The following INTS8 variants were observed in gnomAD, a reference collection of about 807,000 sequenced individuals.
INTS8 encodes integrator complex subunit 8.
A neutral mutation model predicts 138.9 loss-of-function variants in INTS8; 47 were observed. The observed-to-expected ratio is 0.34, with a 90% CI of 0.27 to 0.43. INTS8 has a LOEUF of 0.43. Ranked by LOEUF, INTS8 falls within the 20% of genes least tolerant of loss-of-function variation. The pLI is 1.00. For synonymous variants in INTS8, 392 were observed against 400.9 expected (o/e 0.98, Z 0.27); for missense variants, 996 against 1,173.0 (o/e 0.85, Z 2.20).
intron 14 of INTS8, 65 bp from the exon 15 acceptor site, chr8:94,856,712 A>T: frequency 7.4e-7 from 1 of 1,347,326 alleles, no homozygotes; most frequent in Non-Finnish European, 1.1e-6. Flanking sequence ...CTCTGTCAAC[A>T]TAAAGGCACA....
chr8:94,867,102 A>G, intron 18 of INTS8, 38 bp from the exon 19 acceptor site: 4 of 1,458,410 alleles, frequency 2.7e-6, no homozygotes, highest in Non-Finnish European at 3.8e-6. Context: ...ATAAATATAC[A>G]TACACTGTTT....
intron 15 of INTS8, among the ~76,000 whole-genome samples, chr8:94,858,371 G>A (rs1365884287): frequency 1.3e-5 from 2 of 152,202 alleles, no homozygotes; most frequent in Admixed American, 1.3e-4. Context: ...TAGAGAGAAT[G>A]CCTTTGAGCT....
At chr8:94,850,165 T>C (rs1815478427) in intron 12 of INTS8, 74 bp downstream of exon 12, 6 of 1,008,734 alleles carry the variant, frequency 5.9e-6, no homozygotes, top group Non-Finnish European at 8.8e-6. Context: ...TGAAATATAT[T>C]TGAGGATTCT....
intron 4 of INTS8, among the ~76,000 whole-genome samples, chr8:94,828,070 C>T (rs1411987274): frequency 6.7e-6 from 1 of 149,738 alleles, no homozygotes; most frequent in Non-Finnish European, 1.5e-5. Flanking sequence ...GATGGAGACT[C>T]ACTCTGTCGC....
At chr8:94,846,394 C>T (rs1400640588) in intron 10 of INTS8, among the ~76,000 whole-genome samples, 1 of 152,196 alleles carries the variant, frequency 6.6e-6, no homozygotes, top group Non-Finnish European at 1.5e-5. Context: ...CCTGCCTCAG[C>T]CTCCTGAGTA....
At chr8:94,828,042 T>G (rs954680219) in intron 4 of INTS8, among the ~76,000 whole-genome samples, 3 of 78,202 alleles carry the variant, frequency 3.8e-5, no homozygotes, top group Admixed American at 1.3e-4. Context: ...AGTTTTTTTT[T>G]TTGTTTTTTT....
In INTS8 at chr8:94,824,916, G is replaced by T; in HGVS notation, c.154G>T (p.Val52Phe). The T allele has an allele frequency of 6.2e-7, 1 of 1,610,508 alleles. No individual in the cohort carries two copies. Among genetic ancestry groups the T allele is most frequent in the South Asian group, 1.1e-5 (1 of 90,970 alleles). The change falls in exon 2 of 27, where the codon GTT becomes TTT. Residue 52 changes from valine (V) to phenylalanine (F), a missense_variant. By Grantham distance (50) the Val-to-Phe change is conservative. Transcript: ENST00000523731. ...CPDPAPVQLI[V>F]QFLEQASKPS... ...AGATCCTGCACCAGTTCAACTTATA[G>T]TTCAGTTTTTGGAACAGGCTTCCAA...
intron 8 of INTS8, among the ~76,000 whole-genome samples, chr8:94,839,469 T>A (rs1442629058): frequency 6.6e-6 from 1 of 152,212 alleles, no homozygotes; most frequent in Non-Finnish European, 1.5e-5. Flanking sequence ...TGTCTCCAAT[T>A]GGGTATTATT....
At position 94,836,443 on chromosome 8, in the gene INTS8, G is replaced by A. The variant is rs1323797731; in HGVS notation, c.754-81G>A. 3.0e-6 allele frequency: 3 copies of A among 1,008,424 alleles called. No individual in the cohort carries two copies. In the African/African-American group the frequency reaches 4.9e-5, roughly 16 times the overall value. The allele number at this position is 1,008,424 out of a possible 1,614,324, so 62.5% of individuals were successfully genotyped here. The stretch of plus-strand genomic sequence containing the variant: ...TATGTCTTTTTTTCTGTGTTTTCGT[G>A]AGATAAAGACAGTTTTGGTTCTGTC... On this transcript the variant is annotated intron_variant, in intron 6 of 26. Transcript: ENST00000523731.
In INTS8 at chr8:94,880,470, C is replaced by T; in HGVS notation, c.*236C>T. 3.2e-6 allele frequency: 1 copy of T among 316,848 alleles called. No individual in the cohort carries two copies. Among genetic ancestry groups the T allele is most frequent in the Non-Finnish European group, 5.7e-6 (1 of 176,774 alleles). The allele number at this position is 316,848 out of a possible 1,614,324, so 19.6% of individuals were successfully genotyped here. A position where few individuals can be genotyped will look rare whatever the true frequency, so the allele number is the denominator to read the frequency against. ...TTCACATATCTGATAACAAAATAAA[C>T]TAGCAATCTAGTTTTCTAATCTACT... On this transcript the variant is annotated 3_prime_UTR_variant, in exon 27 of 27. Coordinates refer to ENST00000523731, the MANE Select transcript of INTS8 (RefSeq NM_017864.4).
rs986134323 is a variant in INTS8, at chr8:94,880,736, CAT to C, written c.*504_*505del. On this transcript the variant is annotated 3_prime_UTR_variant, in exon 27 of 27. Coordinates refer to ENST00000523731, the MANE Select transcript of INTS8 (RefSeq NM_017864.4). ...GAAAGGACCTTAACAGTTTCACAAA[CAT>C]AAATAAAGCCTTAGTCACACTAAAT... The C allele has an allele frequency of 5.0e-5, 20 of 396,096 alleles. No homozygotes were observed. The highest frequency in any genetic ancestry group is 3.7e-4 in the African/African-American group (18 of 48,358). 24.5% of individuals were successfully genotyped at this position (396,096 alleles called of 1,614,324 possible). A position where few individuals can be genotyped will look rare whatever the true frequency, so the allele number is the denominator to read the frequency against.
intron 12 of INTS8, among the ~76,000 whole-genome samples, chr8:94,850,512 T>TGGGACTACCTACTCTG (rs1049011420): frequency 2.0e-5 from 3 of 150,094 alleles, no homozygotes; most frequent in African/African-American, 7.4e-5. Context: ...CTCTGGAGGC[T>TGGGACTACCTACTCTG]GAGGTAGGAG....
chr8:94,848,754 T>G lies in INTS8; in HGVS notation c.1261-708T>G, dbSNP rs550094986. ...TACTTATACTTTTTGGCTACTATGATTAATACTACTATGAACATTCTATTT... is the reference window on the plus strand; with the variant it reads ...TACTTATACTTTTTGGCTACTATGAGTAATACTACTATGAACATTCTATTT... On this transcript the variant is annotated intron_variant, in intron 10 of 26. Transcript: ENST00000523731. Among the ~76,000 whole-genome samples the G allele has an allele frequency of 2.0e-5, 3 of 152,336 alleles. No individual in the cohort carries two copies. In the East Asian group the frequency reaches 5.8e-4, roughly 29 times the overall value.
chr8:94,868,518 G>C lies in INTS8; in HGVS notation c.2414+1181G>C, dbSNP rs145481061. ...ACTTACTGAGGCTTGTTTCCCAAGG[G>C]AGCACCATGCTGCATGAAGCACATG... On this transcript the variant is annotated intron_variant, in intron 20 of 26. Coordinates refer to ENST00000523731, the MANE Select transcript of INTS8 (RefSeq NM_017864.4). Among the ~76,000 whole-genome samples the C allele has an allele frequency of 3.2e-4, 49 of 152,244 alleles. 2 individuals are homozygous for C. The East Asian group carries it at 8.9e-3, about 28-fold the overall frequency.
chr8:94,854,158 G>GTGAGCTGAAA (rs61407478), intron 14 of INTS8, among the ~76,000 whole-genome samples: 33,201 of 149,730 alleles, frequency 0.22, 3,807 homozygotes, highest in Middle Eastern at 0.27. Context: ...GGAGGTTGGA[G>GTGAGCTGAAA]TTGCATCATT....
chr8:94,842,021 A>C (rs1486962260), intron 9 of INTS8, among the ~76,000 whole-genome samples: 2 of 150,908 alleles, frequency 1.3e-5, no homozygotes, highest in East Asian at 4.0e-4. Flanking sequence ...GTGAGCCGAG[A>C]TTGCACCACT....
chr8:94,871,982 T>C lies in INTS8; in HGVS notation c.2513T>C (p.Ile838Thr). Residue 838 changes from isoleucine to threonine, a missense_variant, in exon 21 of 27, where the codon ATC becomes ACC. Transcript: ENST00000523731. ...CCAAATAACCATTCTTGGTTAATTATCCAGGCAGATATTTACTTTGGTAAG... is the reference window on the plus strand; with the variant it reads ...CCAAATAACCATTCTTGGTTAATTACCCAGGCAGATATTTACTTTGGTAAG... ...INPNNHSWLI[I>T]QADIYFATNQ... The C allele has an allele frequency of 6.4e-7, 1 of 1,552,964 alleles. No homozygotes were observed. Among genetic ancestry groups the C allele is most frequent in the Non-Finnish European group, 8.9e-7 (1 of 1,126,790 alleles).
rs781366163 is a variant in INTS8, at chr8:94,867,287, G to C, written c.2364G>C (p.Val788=). ...VKLHNVREDI[V]NDITAEHISI... is the part of the protein sequence containing the mutation. ...TTTTCTTTTTAAAGGAGGACATTGT[G>C]AATGATATTACAGCTGAACACATTT... Residue 788 remains valine (V), a synonymous_variant, in exon 20 of 27, where the codon GTG becomes GTC. Transcript: ENST00000523731. 18 of 1,611,168 alleles carry C rather than the reference G, an allele frequency of 1.1e-5. No homozygotes were observed. In the Admixed American group the frequency reaches 2.8e-4, roughly 25 times the overall value.
chr8:94,870,137 T>C (rs4734285), intron 20 of INTS8, among the ~76,000 whole-genome samples: 47,336 of 151,540 alleles, frequency 0.31, 9,321 homozygotes, highest in East Asian at 0.66. Flanking sequence ...CTGCAAGCTC[T>C]GCCTCCCGGG....
Sources: gnomAD v4.1 joint callset for allele counts (sites outside exome capture counted in the v4.1 genomes callset) on GRCh38, gnomAD v4.1.1 for gene constraint, MANE v1.5 for transcripts, NCBI Gene and HGNC (gene_info 2026-07-23, HGNC 2026-07-21) for gene names.